The following ZFPM2 variants were observed in gnomAD, a reference collection of about 807,000 sequenced individuals.
The protein encoded by ZFPM2 is zinc finger protein ZFPM2.
Under a neutral mutation model 98.6 loss-of-function variants are expected in ZFPM2, and 20 were observed. That is an observed-to-expected ratio of 0.20 (90% CI 0.14 to 0.29). The LOEUF (loss-of-function observed/expected upper bound fraction) is 0.29, where lower values mean the gene tolerates loss of function less well. ZFPM2 is among the 10% of genes least tolerant of loss of function. The pLI is 1.00. For missense variants in ZFPM2, 1,310 were observed against 1,388.6 expected (o/e 0.94, Z 0.90); for synonymous variants, 518 against 502.7 (o/e 1.03, Z -0.41).
At chr8:105,359,640 C>T (rs1181949529) in intron 1 of ZFPM2, among the ~76,000 whole-genome samples, 1 of 152,112 alleles carries the variant, frequency 6.6e-6, no homozygotes, top group African/African-American at 2.4e-5. Context: ...TCCCAGAGTG[C>T]TGGGATTACA....
At chr8:105,716,194 A>C (rs1255355943) in intron 5 of ZFPM2, among the ~76,000 whole-genome samples, 1 of 149,790 alleles carries the variant, frequency 6.7e-6, no homozygotes. Flanking sequence ...TAAAATTTAT[A>C]TGTAAATATT....
chr8:105,525,223 G>T (rs1814149025), intron 3 of ZFPM2, among the ~76,000 whole-genome samples: 1 of 152,142 alleles, frequency 6.6e-6, no homozygotes, highest in Non-Finnish European at 1.5e-5. Context: ...TACTACTTAG[G>T]CTGCAAATAG....
chr8:105,362,268 AT>A (rs1563621848), intron 1 of ZFPM2, among the ~76,000 whole-genome samples: 1 of 151,790 alleles, frequency 6.6e-6, no homozygotes, highest in African/African-American at 2.4e-5. Context: ...GCCCTGCCAA[AT>A]TTTTTTTCAT....
chr8:105,464,926 A>G (rs74477610), intron 3 of ZFPM2, among the ~76,000 whole-genome samples: 2,746 of 148,402 alleles, frequency 0.019, 79 homozygotes, highest in African/African-American at 0.065. Context: ...CTTTTTAGCT[A>G]TTTGTAGTTT....
chr8:105,348,539 A>G (rs1043255301), intron 1 of ZFPM2, among the ~76,000 whole-genome samples: 27 of 152,326 alleles, frequency 1.8e-4, no homozygotes, highest in African/African-American at 6.3e-4. Context: ...CTTACTTATA[A>G]GAAATGTGTC....
At chr8:105,534,222 T>C (rs1586443189) in intron 3 of ZFPM2, among the ~76,000 whole-genome samples, 1 of 43,586 alleles carries the variant, frequency 2.3e-5, no homozygotes, top group African/African-American at 1.5e-4. Flanking sequence ...CTTCTTTTCT[T>C]CCTCCCTTCC....
At position 105,669,535 on chromosome 8, in the gene ZFPM2, C is replaced by CGTGTGT. The variant is rs774418053; in HGVS notation, c.532+35178_532+35179insGTGTGT. Among the ~76,000 whole-genome samples the CGTGTGT allele has an allele frequency of 5.6e-3, 730 of 130,890 alleles. 8 individuals are homozygous for CGTGTGT. The highest frequency in any genetic ancestry group is 0.018 in the African/African-American group (656 of 36,172). 85.9% of individuals were successfully genotyped at this position (130,890 alleles called of 152,430 possible). A position where few individuals can be genotyped will look rare whatever the true frequency, so the allele number is the denominator to read the frequency against. ...GTCTCTATTTTAAGCTGAAAGTGTG[C>CGTGTGT]ATGTGTGTGTGTGTGTGTGTGTGTG... On this transcript the variant is annotated intron_variant, in intron 5 of 7. Transcript: ENST00000407775.
At position 105,678,000 on chromosome 8, in the gene ZFPM2, T is replaced by A. The variant is rs1240204310; in HGVS notation, c.532+43643T>A. On this transcript the variant is annotated intron_variant, in intron 5 of 7. Coordinates refer to ENST00000407775, the MANE Select transcript of ZFPM2 (RefSeq NM_012082.4). ...AATTGGGCATTTCAGAGGATTTTTT[T>A]AAAGTATTTACTGTGCAGTTTATGT... 1.1e-4 allele frequency among the ~76,000 whole-genome samples: 17 copies of A among 152,192 alleles called. 1 individual carries two copies. Among genetic ancestry groups the A allele is most frequent in the Non-Finnish European group, 1.9e-4 (13 of 68,020 alleles).
intron 5 of ZFPM2, among the ~76,000 whole-genome samples, chr8:105,738,999 G>T (rs1244783502): frequency 2.6e-5 from 4 of 151,890 alleles, no homozygotes; most frequent in African/African-American, 7.3e-5. Context: ...TGATTAGTTG[G>T]GTTCCCAACT....
chr8:105,691,416 T>C (rs1476589382), intron 5 of ZFPM2, among the ~76,000 whole-genome samples: 1 of 140,934 alleles, frequency 7.1e-6, no homozygotes, highest in African/African-American at 2.8e-5. Context: ...GCCCGGCTAA[T>C]TTTTTGTATT....
Position 105,668,087 on chromosome 8 carries a change from A to G in ZFPM2, c.532+33730A>G, listed in dbSNP as rs527536143. ...CATAGGAGGGACTCAAGAAAGTTTA[A>G]TTTACAGGCTGTGTAGCTTGGGCTT... On this transcript the variant is annotated intron_variant, in intron 5 of 7. Coordinates refer to ENST00000407775, the MANE Select transcript of ZFPM2 (RefSeq NM_012082.4). 2.0e-5 allele frequency among the ~76,000 whole-genome samples: 3 copies of G among 152,272 alleles called. No homozygotes were observed. In the East Asian group the frequency reaches 5.8e-4, roughly 29 times the overall value.
At chr8:105,652,044 C>T (rs1817189087) in intron 5 of ZFPM2, among the ~76,000 whole-genome samples, 1 of 151,918 alleles carries the variant, frequency 6.6e-6, no homozygotes, top group Non-Finnish European at 1.5e-5. Context: ...GAAACAAAAC[C>T]TACATAGATG....
intron 2 of ZFPM2, among the ~76,000 whole-genome samples, chr8:105,425,773 C>T (rs1811894770): frequency 6.6e-6 from 1 of 152,180 alleles, no homozygotes; most frequent in Non-Finnish European, 1.5e-5. Flanking sequence ...TTAATCCCTC[C>T]CTGCCCCTGG....
At chr8:105,630,384 C>T (rs150920053) in intron 4 of ZFPM2, among the ~76,000 whole-genome samples, 39 of 152,260 alleles carry the variant, frequency 2.6e-4, no homozygotes, top group African/African-American at 9.1e-4. Context: ...TCAATCTCTA[C>T]AAAAGTTGAC....
intron 1 of ZFPM2, among the ~76,000 whole-genome samples, chr8:105,320,296 G>GTC (rs1554594128): frequency 4.6e-5 from 7 of 151,000 alleles, no homozygotes; most frequent in Non-Finnish European, 8.9e-5. Flanking sequence ...GTGTGTGTGT[G>GTC]TGTCTGCTAC....
intron 1 of ZFPM2, among the ~76,000 whole-genome samples, chr8:105,330,631 T>TAC (rs374792181): frequency 5.2e-4 from 32 of 62,064 alleles, no homozygotes; most frequent in African/African-American, 1.5e-3. Context: ...TATATATATA[T>TAC]ACATATATAT....
intron 5 of ZFPM2, among the ~76,000 whole-genome samples, chr8:105,714,515 A>T (rs776742057): frequency 6.6e-6 from 1 of 152,068 alleles, no homozygotes; most frequent in Non-Finnish European, 1.5e-5. Context: ...AATTCAAATT[A>T]TATAAACTAA....
chr8:105,473,587 G>C (rs1261279270), intron 3 of ZFPM2, among the ~76,000 whole-genome samples: 2 of 152,152 alleles, frequency 1.3e-5, no homozygotes, highest in African/African-American at 4.8e-5. Context: ...CCACAGAAGA[G>C]TTGAGGAGAG....
chr8:105,343,513 GC>G (rs1444950311), intron 1 of ZFPM2, among the ~76,000 whole-genome samples: 2 of 152,114 alleles, frequency 1.3e-5, no homozygotes, highest in African/African-American at 2.4e-5. Flanking sequence ...AAAGGAATTA[GC>G]TTTCTTCCTT....
Sources: gnomAD v4.1 joint callset for allele counts (sites outside exome capture counted in the v4.1 genomes callset) on GRCh38, gnomAD v4.1.1 for gene constraint, MANE v1.5 for transcripts, NCBI Gene and HGNC (gene_info 2026-07-23, HGNC 2026-07-21) for gene names.